ADAMTS19: variants seen among roughly 807,000 people sequenced by gnomAD.
ADAMTS19 encodes the protein A disintegrin and metalloproteinase with thrombospondin motifs 19.
Under a neutral mutation model 153.3 loss-of-function variants are expected in ADAMTS19, and 93 were observed. The observed-to-expected ratio is 0.61, with a 90% CI of 0.51 to 0.72. The LOEUF (loss-of-function observed/expected upper bound fraction) is 0.72, where lower values mean the gene tolerates loss of function less well. Among genes scored for constraint, ADAMTS19 ranks in the 30% least tolerant of loss-of-function variants. The pLI is 0.00. For synonymous variants in ADAMTS19, 600 were observed against 556.6 expected, an observed-to-expected ratio of 1.08 and a Z score of -1.10; for missense variants, 1,482 against 1,552.1, an observed-to-expected ratio of 0.95 and a Z score of 0.76.
intron 21 of ADAMTS19, among the ~76,000 whole-genome samples, chr5:129,722,949 A>G (rs541010357): frequency 6.6e-6 from 1 of 152,302 alleles, no homozygotes; most frequent in Admixed American, 6.5e-5. Flanking sequence ...GTCAGAGTTA[A>G]GAATTTGTTA....
At chr5:129,536,901 G>C (rs1222893835) in intron 6 of ADAMTS19, among the ~76,000 whole-genome samples, 1 of 150,960 alleles carries the variant, frequency 6.6e-6, no homozygotes, top group Non-Finnish European at 1.5e-5. Context: ...ACACTCTGGG[G>C]ACTGTTGTGG....
At chr5:129,645,906 T>TTTTTTTTTTTTTTTTTTTTTTTGTGGGG in intron 11 of ADAMTS19, among the ~76,000 whole-genome samples, 1 of 118,418 alleles carries the variant, frequency 8.4e-6, no homozygotes, top group Admixed American at 8.7e-5. Flanking sequence ...TTTTTTTTTT[T>TTTTTTTTTTTTTTTTTTTTTTTGTGGGG]GAGACGGAGT....
At chr5:129,694,947 T>TCTTAAAAATG in intron 19 of ADAMTS19, 92 bp downstream of exon 19, 1 of 1,291,374 alleles carries the variant, frequency 7.7e-7, no homozygotes, top group South Asian at 2.4e-5. Flanking sequence ...AATCACATTT[T>TCTTAAAAATG]CTTAAAAACA....
At chr5:129,627,829 A>T (rs1465269810) in intron 10 of ADAMTS19, among the ~76,000 whole-genome samples, 1 of 152,086 alleles carries the variant, frequency 6.6e-6, no homozygotes, top group Non-Finnish European at 1.5e-5. Flanking sequence ...GGGAAGACTT[A>T]TACACTGTTA....
At chr5:129,479,257 G>T (rs1209390882) in intron 2 of ADAMTS19, among the ~76,000 whole-genome samples, 1 of 152,120 alleles carries the variant, frequency 6.6e-6, no homozygotes, top group African/African-American at 2.4e-5. Context: ...CAAGATATGG[G>T]GTAGAAATTG....
chr5:129,612,372 C>A (rs141265059), intron 8 of ADAMTS19, among the ~76,000 whole-genome samples: 118 of 151,926 alleles, frequency 7.8e-4, no homozygotes, highest in African/African-American at 2.8e-3. Flanking sequence ...TCCAGTCTAT[C>A]GTTGTTGGAC....
At chr5:129,601,093 G>C (rs1353060556) in intron 8 of ADAMTS19, among the ~76,000 whole-genome samples, 1 of 152,044 alleles carries the variant, frequency 6.6e-6, no homozygotes, top group African/African-American at 2.4e-5. Context: ...GGCTGGTCTC[G>C]AACTCCTGAC....
At chr5:129,668,169 G>T in intron 16 of ADAMTS19, among the ~76,000 whole-genome samples, 1 of 152,070 alleles carries the variant, frequency 6.6e-6, no homozygotes, top group Non-Finnish European at 1.5e-5. Flanking sequence ...TACCTGCATG[G>T]TCTCTTTGCC....
chr5:129,486,719 TGAA>T (rs1300154251), intron 2 of ADAMTS19, among the ~76,000 whole-genome samples: 4 of 151,966 alleles, frequency 2.6e-5, no homozygotes, highest in Non-Finnish European at 5.9e-5. Context: ...AACATTGCAA[TGAA>T]GATTCTAGCC....
intron 7 of ADAMTS19, among the ~76,000 whole-genome samples, chr5:129,586,139 T>C (rs75084809): frequency 0.024 from 3,620 of 152,238 alleles, 117 homozygotes; most frequent in African/African-American, 0.078. Context: ...ACTAGAATGG[T>C]ACATTATTTT....
At chr5:129,578,013 A>C (rs79212187) in intron 7 of ADAMTS19, among the ~76,000 whole-genome samples, 5,691 of 140,454 alleles carry the variant, frequency 0.041, 463 homozygotes, top group African/African-American at 0.15. Context: ...TAGCTCCCTG[A>C]AGGAATTTAT....
At chr5:129,492,270 G>C (rs1466223896) in intron 2 of ADAMTS19, among the ~76,000 whole-genome samples, 3 of 152,072 alleles carry the variant, frequency 2.0e-5, no homozygotes, top group East Asian at 3.9e-4. Context: ...CAAGGGGAGG[G>C]TACTAAACCA....
At chr5:129,589,295 T>G (rs1207832731) in intron 7 of ADAMTS19, among the ~76,000 whole-genome samples, 2 of 151,544 alleles carry the variant, frequency 1.3e-5, no homozygotes, top group African/African-American at 2.4e-5. Context: ...GTCAGCTTCC[T>G]TTTTTTTGTA....
intron 7 of ADAMTS19, among the ~76,000 whole-genome samples, chr5:129,594,452 A>T (rs551471604): frequency 7.6e-4 from 116 of 152,302 alleles, no homozygotes; most frequent in Admixed American, 2.0e-3. Flanking sequence ...TGGTAGCAGC[A>T]TGCTAATTAC....
At chr5:129,479,563 G>T (rs1245661688) in intron 2 of ADAMTS19, among the ~76,000 whole-genome samples, 3 of 152,156 alleles carry the variant, frequency 2.0e-5, no homozygotes, top group East Asian at 3.8e-4. Flanking sequence ...AAACATGATG[G>T]TCTATAGAGA....
chr5:129,487,469 T>G (rs1411085129), intron 2 of ADAMTS19, among the ~76,000 whole-genome samples: 1 of 152,088 alleles, frequency 6.6e-6, no homozygotes, highest in Non-Finnish European at 1.5e-5. Flanking sequence ...ATTTTTAAAT[T>G]TAACAAGTGT....
In ADAMTS19 at chr5:129,499,765, A is replaced by G. The variant is rs141341460; in HGVS notation, c.748-9312A>G. ...CATTCATCAGGGATTGTTTTTGAAT[A>G]TGAATCTAGTAAGTGAATCTGCTAT... On this transcript the variant is annotated intron_variant, in intron 2 of 22. Transcript: ENST00000274487. 3.9e-5 allele frequency among the ~76,000 whole-genome samples: 6 copies of G among 152,258 alleles called. No homozygotes were observed. In the East Asian group the frequency reaches 1.2e-3, roughly 29 times the overall value.
intron 11 of ADAMTS19, among the ~76,000 whole-genome samples, chr5:129,644,297 C>T (rs1752957875): frequency 6.6e-6 from 1 of 152,116 alleles, no homozygotes; most frequent in South Asian, 2.1e-4. Flanking sequence ...TTTTAGAAGC[C>T]ATCGTGAAAA....
Position 129,620,636 on chromosome 5 carries a change from C to T in ADAMTS19, c.1497C>T (p.Asp499=). 1 of 1,605,108 alleles carries T rather than the reference C, an allele frequency of 6.2e-7. No homozygotes were observed. Among genetic ancestry groups the T allele is most frequent in the Non-Finnish European group, 8.5e-7 (1 of 1,175,258 alleles). The change falls in exon 9 of 23, where the codon GAC becomes GAT. Residue 499 remains aspartate (D), a synonymous_variant. Coordinates refer to ENST00000274487, the MANE Select transcript of ADAMTS19 (RefSeq NM_133638.6). ...EMGHNMGINH[D]NDHPSCADGL... ...AAATCAGCATGGGCATTAACCATGACAATGACCACCCATCGTGTGCTGATG... is the reference window on the plus strand; with the variant it reads ...AAATCAGCATGGGCATTAACCATGATAATGACCACCCATCGTGTGCTGATG...
Sources: allele counts gnomAD v4.1 joint callset (sites outside exome capture counted in the v4.1 genomes callset), GRCh38; gene constraint gnomAD v4.1.1; transcripts MANE v1.5; gene names NCBI Gene and HGNC (gene_info 2026-07-23, HGNC 2026-07-21).